NHERF2: variants seen among roughly 807,000 people sequenced by gnomAD.
NHERF2 encodes Na(+)/H(+) exchange regulatory cofactor NHE-RF2.
the NHERF2 span, chr16:2,036,468 C>G: frequency 1.2e-6 from 2 of 1,601,330 alleles, no homozygotes; most frequent in Non-Finnish European, 8.5e-7. Flanking sequence ...ACCTGCCGCC[C>G]GCTCTGGCCT....
At chr16:2,036,755 C>G in the NHERF2 span, 2 of 1,613,108 alleles carry the variant, frequency 1.2e-6, no homozygotes, top group Non-Finnish European at 1.7e-6. Context: ...GGAGGGACTG[C>G]GCCATGCTGA....
the NHERF2 span, among the ~76,000 whole-genome samples, chr16:2,028,972 G>C: frequency 1.3e-5 from 2 of 152,160 alleles, no homozygotes; most frequent in South Asian, 2.1e-4. Flanking sequence ...GTGGGTGCCC[G>C]AGCCAGGAGC....
the NHERF2 span, chr16:2,026,943 C>G: frequency 1.5e-6 from 1 of 679,784 alleles, no homozygotes; most frequent in Non-Finnish European, 1.8e-6. Context: ...GTGCCCAGCG[C>G]CGCCGCCGCC....
At chr16:2,036,673 G>A in the NHERF2 span, 89 of 1,592,988 alleles carry the variant, frequency 5.6e-5, no homozygotes, top group East Asian at 6.5e-4. Flanking sequence ...CTGGCCACGC[G>A]GCGTTGGGGG....
chr16:2,029,314 G>A, the NHERF2 span, among the ~76,000 whole-genome samples: 1 of 150,732 alleles, frequency 6.6e-6, no homozygotes, highest in Non-Finnish European at 1.5e-5. Flanking sequence ...GCCCCGCCTG[G>A]AGAAGACCCT....
the NHERF2 span, chr16:2,029,799 C>T: frequency 4.5e-6 from 7 of 1,544,436 alleles, no homozygotes; most frequent in South Asian, 8.3e-5. Context: ...CGGGCTTGGC[C>T]CACAGGGACC....
the NHERF2 span, chr16:2,032,833 G>T: frequency 1.0e-6 from 1 of 1,000,490 alleles, no homozygotes; most frequent in East Asian, 1.1e-4. This position sits in a 1 kb window ranked among gnomAD's most constrained non-coding sequence, Gnocchi z 4.0. Context: ...GGCCCTGGAG[G>T]TGGTGGCAGA....
At chr16:2,033,317 G>A in the NHERF2 span, 76 of 1,532,790 alleles carry the variant, frequency 5.0e-5, no homozygotes, top group Non-Finnish European at 6.3e-5. Flanking sequence ...CACCCCGGCC[G>A]GACGCCTGCC....
At chr16:2,032,872 C>G in the NHERF2 span, 1 of 1,018,760 alleles carries the variant, frequency 9.8e-7, no homozygotes, top group Admixed American at 5.3e-5. The surrounding 1 kb of genome is among the most constrained non-coding windows in gnomAD (Gnocchi z 4.0). Context: ...CTGCCCCTAG[C>G]CCATGTCTCC....
the NHERF2 span, chr16:2,036,666 G>C: frequency 6.3e-7 from 1 of 1,588,478 alleles, no homozygotes; most frequent in Non-Finnish European, 8.6e-7. Context: ...GCCACACCTG[G>C]CCACGCGGCG....
At chr16:2,036,751 A>G in the NHERF2 span, 1 of 1,612,560 alleles carries the variant, frequency 6.2e-7, no homozygotes, top group African/African-American at 1.3e-5. Flanking sequence ...ATGTGGAGGG[A>G]CTGCGCCATG....
chr16:2,030,105 T>A, the NHERF2 span, among the ~76,000 whole-genome samples: 1 of 152,204 alleles, frequency 6.6e-6, no homozygotes, highest in Non-Finnish European at 1.5e-5. Context: ...TGAGGAACCC[T>A]GGGAAGAGGC....
the NHERF2 span, chr16:2,036,872 C>T: frequency 1.2e-6 from 2 of 1,609,918 alleles, no homozygotes; most frequent in Non-Finnish European, 1.7e-6. Context: ...CACCGAGGAG[C>T]ACGTGGAAGG....
At chr16:2,036,237 G>A in the NHERF2 span, 17 of 1,380,502 alleles carry the variant, frequency 1.2e-5, no homozygotes, top group African/African-American at 2.4e-4. Flanking sequence ...ACGGTACCGA[G>A]TTTGGGCAGT....
the NHERF2 span, chr16:2,027,238 C>A: frequency 7.9e-7 from 1 of 1,259,568 alleles, no homozygotes; most frequent in South Asian, 2.5e-5. Context: ...AGCGCTCGCC[C>A]CCGGCCCGCC....
the NHERF2 span, chr16:2,033,418 C>T: frequency 3.3e-6 from 5 of 1,533,520 alleles, no homozygotes; most frequent in South Asian, 6.0e-5. Context: ...GAGCCCACCC[C>T]AGAGGCTGGT....
chr16:2,036,025 T>G, the NHERF2 span: 1 of 398,850 alleles, frequency 2.5e-6, no homozygotes, highest in Non-Finnish European at 4.5e-6. Flanking sequence ...ACCTGGTGCT[T>G]CCTCCCACCC....
chr16:2,029,450 C>A, the NHERF2 span: 1 of 825,754 alleles, frequency 1.2e-6, no homozygotes. Context: ...CGGCAGGCCT[C>A]TTGGTGCAGC....
chr16:2,037,996 C>T, the NHERF2 span: 2 of 1,613,280 alleles, frequency 1.2e-6, no homozygotes, highest in Non-Finnish European at 1.7e-6. Flanking sequence ...CCCCTTCCTG[C>T]CTGTCTCGGG....
Sources: gnomAD v4.1 joint callset for allele counts (sites outside exome capture counted in the v4.1 genomes callset) on GRCh38, gnomAD v4.1.1 for gene constraint, Gnocchi (gnomAD v3.1) non-coding constraint, MANE v1.5 for transcripts, NCBI Gene and HGNC (gene_info 2026-07-23, HGNC 2026-07-21) for gene names.